The following EXOC4 variants were observed in gnomAD, a reference collection of about 807,000 sequenced individuals.
EXOC4 encodes SEC8-like 1.
Under a neutral mutation model 107.2 loss-of-function variants are expected in EXOC4, and 71 were observed. That is an observed-to-expected ratio of 0.66 (90% CI 0.55 to 0.81). The LOEUF (loss-of-function observed/expected upper bound fraction) is 0.81, where lower values mean the gene tolerates loss of function less well. EXOC4 is among the 30% of genes least tolerant of loss of function. The probability of loss-of-function intolerance (pLI) is 0.00; values close to 1 mark genes in which losing one functional copy is unlikely to be tolerated. For synonymous variants in EXOC4, 456 were observed against 441.2 expected (o/e 1.03, Z -0.42); for missense variants, 1,108 against 1,189.6 (o/e 0.93, Z 1.01).
At chr7:133,770,575 C>T (rs1392863879) in intron 10 of EXOC4, among the ~76,000 whole-genome samples, 1 of 151,858 alleles carries the variant, frequency 6.6e-6, no homozygotes, top group Non-Finnish European at 1.5e-5. Context: ...TAATAGTAAG[C>T]CAGACATTGT....
intron 9 of EXOC4, among the ~76,000 whole-genome samples, chr7:133,588,855 C>T (rs553622065): frequency 2.0e-5 from 3 of 151,680 alleles, no homozygotes; most frequent in Non-Finnish European, 4.4e-5. Flanking sequence ...CCAGACTGGG[C>T]GACAAGAGTG....
At chr7:133,425,765 A>G (rs1584907397) in intron 7 of EXOC4, among the ~76,000 whole-genome samples, 1 of 152,138 alleles carries the variant, frequency 6.6e-6, no homozygotes, top group African/African-American at 2.4e-5. Flanking sequence ...TTCCTCTGCA[A>G]ATAGGAACTT....
At chr7:133,265,904 G>A (rs539086791) in intron 1 of EXOC4, among the ~76,000 whole-genome samples, 16 of 152,282 alleles carry the variant, frequency 1.1e-4, no homozygotes, top group African/African-American at 3.6e-4. Flanking sequence ...GCTAATTCTT[G>A]TGGATTTGCC....
At chr7:133,703,602 TATA>T (rs1794709959) in intron 10 of EXOC4, among the ~76,000 whole-genome samples, 1 of 152,220 alleles carries the variant, frequency 6.6e-6, no homozygotes, top group South Asian at 2.1e-4. Flanking sequence ...TTTTTGTTCA[TATA>T]ATAATAGACT....
chr7:133,464,307 G>A (rs1422833330), intron 7 of EXOC4, among the ~76,000 whole-genome samples: 2 of 152,186 alleles, frequency 1.3e-5, no homozygotes, highest in African/African-American at 4.8e-5. Context: ...TGAGGGAAGT[G>A]AGGCTTAGAA....
At chr7:133,687,301 G>A (rs1407899200) in intron 10 of EXOC4, among the ~76,000 whole-genome samples, 1 of 151,946 alleles carries the variant, frequency 6.6e-6, no homozygotes, top group Non-Finnish European at 1.5e-5. Context: ...ATTGGGTTTA[G>A]TGTATACTAC....
chr7:133,879,537 A>C (rs966697203), intron 11 of EXOC4, among the ~76,000 whole-genome samples: 4 of 152,224 alleles, frequency 2.6e-5, no homozygotes, highest in Non-Finnish European at 5.9e-5. Context: ...ACCAAATTTC[A>C]AAGACAATTT....
At chr7:133,692,474 G>C (rs1794443133) in intron 10 of EXOC4, among the ~76,000 whole-genome samples, 1 of 152,040 alleles carries the variant, frequency 6.6e-6, no homozygotes, top group Admixed American at 6.5e-5. Flanking sequence ...ACACTCACAG[G>C]GTCTTTGGAC....
chr7:133,835,470 G>T (rs910878460), intron 11 of EXOC4, among the ~76,000 whole-genome samples: 2 of 152,192 alleles, frequency 1.3e-5, no homozygotes, highest in Non-Finnish European at 2.9e-5. Flanking sequence ...GAGACAAAGG[G>T]TTGCATTCTT....
intron 10 of EXOC4, among the ~76,000 whole-genome samples, chr7:133,669,042 A>G (rs1793881699): frequency 4.1e-5 from 5 of 121,932 alleles, no homozygotes; most frequent in Admixed American, 3.0e-4. Flanking sequence ...TTCATACTCT[A>G]TTCTATTTAC....
chr7:133,500,525 C>A (rs1238417931), intron 9 of EXOC4, among the ~76,000 whole-genome samples: 1 of 152,144 alleles, frequency 6.6e-6, no homozygotes, highest in Admixed American at 6.5e-5. Context: ...CTGCTTATTG[C>A]TTATCCCTGC....
At chr7:133,593,766 A>G (rs527477804) in intron 9 of EXOC4, among the ~76,000 whole-genome samples, 1 of 152,326 alleles carries the variant, frequency 6.6e-6, no homozygotes, top group Non-Finnish European at 1.5e-5. Context: ...ATGAGCAAGC[A>G]TATTTTGAGC....
At chr7:133,908,693 G>T (rs1303641359) in intron 12 of EXOC4, among the ~76,000 whole-genome samples, 1 of 152,184 alleles carries the variant, frequency 6.6e-6, no homozygotes, top group Non-Finnish European at 1.5e-5. Context: ...TCAGAAGAAT[G>T]CATAGCTCAT....
intron 11 of EXOC4, among the ~76,000 whole-genome samples, chr7:133,877,338 T>C (rs1242996732): frequency 1.3e-5 from 2 of 152,232 alleles, no homozygotes; most frequent in Non-Finnish European, 2.9e-5. Flanking sequence ...TTTTATTGGA[T>C]GCTAGACATG....
At chr7:133,835,200 A>G (rs1797893010) in intron 11 of EXOC4, among the ~76,000 whole-genome samples, 1 of 152,200 alleles carries the variant, frequency 6.6e-6, no homozygotes, top group African/African-American at 2.4e-5. Context: ...GTTATAATTT[A>G]TGTTATAGTC....
intron 16 of EXOC4, among the ~76,000 whole-genome samples, chr7:134,005,447 G>A (rs1269914003): frequency 1.3e-5 from 2 of 152,142 alleles, no homozygotes; most frequent in African/African-American, 4.8e-5. Context: ...AATCCTGAAA[G>A]ATCACTCATT....
downstream of EXOC4, among the ~76,000 whole-genome samples, chr7:134,068,620 T>C (rs925048255): frequency 6.6e-6 from 1 of 152,172 alleles, no homozygotes; most frequent in African/African-American, 2.4e-5. Flanking sequence ...TTAGGTACTA[T>C]TACTTCTATT....
In EXOC4 at chr7:133,799,910, T is replaced by C. The variant is rs1043355746; in HGVS notation, c.1515-17415T>C. Among the ~76,000 whole-genome samples the C allele has an allele frequency of 3.2e-4, 48 of 152,278 alleles. 1 individual carries two copies. Among genetic ancestry groups the C allele is most frequent in the African/African-American group, 1.1e-3 (44 of 41,548 alleles). On this transcript the variant is annotated intron_variant, in intron 10 of 17. Transcript: ENST00000253861. Reference sequence around the variant, plus strand: ...CCTTACTTAATCTCATTAATGTGATTTAAAGGAAATAATGCACACTCAAAG... The same window carrying C: ...CCTTACTTAATCTCATTAATGTGATCTAAAGGAAATAATGCACACTCAAAG...
rs189816221 is a variant in EXOC4, at chr7:133,595,143, C to G, written c.1418-34902C>G. Among the ~76,000 whole-genome samples the G allele has an allele frequency of 2.0e-5, 3 of 152,090 alleles. No homozygotes were observed. The East Asian group carries it at 5.8e-4, about 29-fold the overall frequency. On this transcript the variant is annotated intron_variant, in intron 9 of 17. Transcript: ENST00000253861. ...GGATGAAATCAGAGAGAACTTTTTT[C>G]CCCATCGAGGAAAGGAAGAGAAGGA... is the stretch of plus-strand genomic sequence containing the variant.
Sources: gnomAD v4.1 joint callset for allele counts (sites outside exome capture counted in the v4.1 genomes callset) on GRCh38, gnomAD v4.1.1 for gene constraint, MANE v1.5 for transcripts, NCBI Gene and HGNC (gene_info 2026-07-23, HGNC 2026-07-21) for gene names.